Variants in TENM1 observed in about 807,000 individuals in gnomAD.
TENM1 encodes the protein teneurin transmembrane protein 1, also known as teneurin-1.
In TENM1, 35 loss-of-function variants were observed where a neutral mutation model predicts 174.8. The ratio of observed to expected loss-of-function variants is 0.20; its 90% confidence interval spans 0.15 to 0.27. The LOEUF (loss-of-function observed/expected upper bound fraction) is 0.27, where lower values mean the gene tolerates loss of function less well. Ranked by LOEUF, TENM1 falls within the 10% of genes least tolerant of loss-of-function variation. The pLI, the probability that TENM1 is intolerant of heterozygous loss-of-function variation, is 1.00. For synonymous variants in TENM1, 781 were observed against 798.7 expected (o/e 0.98, Z 0.37); for missense variants, 1,633 against 2,130.1 (o/e 0.77, Z 4.59).
the TENM1 span, among the ~76,000 whole-genome samples, chrX:125,174,740 G>A: frequency 1.3e-4 from 15 of 111,426 alleles, no homozygotes; most frequent in Non-Finnish European, 2.3e-4. Flanking sequence ...GTCTAAACAA[G>A]AGAAAACAGA....
At chrX:125,100,291 T>C in the TENM1 span, among the ~76,000 whole-genome samples, 2 of 111,883 alleles carry the variant, frequency 1.8e-5, no homozygotes, top group South Asian at 7.3e-4. Context: ...ATTTGACAAG[T>C]TGGGAGAGAC....
At chrX:124,931,457 C>T (rs780076667) in intron 1 of TENM1, among the ~76,000 whole-genome samples, 1 of 111,070 alleles carries the variant, frequency 9.0e-6, no homozygotes, top group African/African-American at 3.3e-5. Context: ...AACACACCTG[C>T]TGTCAGGCAC....
the TENM1 span, among the ~76,000 whole-genome samples, chrX:125,192,085 C>A: frequency 9.0e-6 from 1 of 111,408 alleles, no homozygotes; most frequent in African/African-American, 3.3e-5. Context: ...TAATCTTGGA[C>A]TTCCCAGCCT....
At chrX:124,704,888 T>TCA in intron 5 of TENM1, 125 bp downstream of exon 8, 1 of 489,870 alleles carries the variant, frequency 2.0e-6, no homozygotes, top group East Asian at 3.4e-5. Context: ...ATCAATTTGT[T>TCA]ATCATACTAA....
chrX:124,829,296 A>T (rs1235255776), intron 3 of TENM1, among the ~76,000 whole-genome samples: 1 of 112,019 alleles, frequency 8.9e-6, no homozygotes, highest in African/African-American at 3.2e-5. Context: ...AGATGTATCT[A>T]AAAAAAAGAG....
chrX:124,638,547 A>G (rs769095385), intron 11 of TENM1, among the ~76,000 whole-genome samples: 1 of 111,089 alleles, frequency 9.0e-6, no homozygotes, highest in African/African-American at 3.3e-5. Flanking sequence ...AAAGCACCCT[A>G]CCATAGTAAA....
chrX:125,021,168 GCTGT>G, the TENM1 span, among the ~76,000 whole-genome samples: 1 of 110,037 alleles, frequency 9.1e-6, no homozygotes, highest in Non-Finnish European at 1.9e-5. Context: ...TTTTTGCGAG[GCTGT>G]CTATTAGAAA....
At chrX:125,006,021 G>T in the TENM1 span, among the ~76,000 whole-genome samples, 1 of 111,303 alleles carries the variant, frequency 9.0e-6, no homozygotes, top group African/African-American at 3.3e-5. Context: ...CAGGAGAACC[G>T]CCCACTCCCC....
chrX:124,542,023 A>G, intron 15 of TENM1, among the ~76,000 whole-genome samples: 1 of 112,181 alleles, frequency 8.9e-6, no homozygotes, highest in Non-Finnish European at 1.9e-5. Flanking sequence ...AGGAGGCCCA[A>G]GTAGTCAAAT....
intron 11 of TENM1, among the ~76,000 whole-genome samples, chrX:124,598,131 T>C (rs2843511): frequency 0.28 from 30,629 of 110,540 alleles, 3,371 homozygotes; most frequent in South Asian, 0.45. Context: ...TATGAAAAGG[T>C]ACTCAACATC....
chrX:124,974,888 C>CTATA, the TENM1 span, among the ~76,000 whole-genome samples: 1 of 72,727 alleles, frequency 1.4e-5, no homozygotes, highest in Non-Finnish European at 2.7e-5. Flanking sequence ...GGGACTGACA[C>CTATA]TATATATATA....
At chrX:124,604,851 C>G (rs2050113346) in intron 11 of TENM1, among the ~76,000 whole-genome samples, 1 of 110,287 alleles carries the variant, frequency 9.1e-6, no homozygotes, top group Admixed American at 9.7e-5. Flanking sequence ...CCTTGATTTC[C>G]TAACCTGTCA....
chrX:125,047,277 G>A, the TENM1 span, among the ~76,000 whole-genome samples: 2 of 111,569 alleles, frequency 1.8e-5, 1 homozygote, highest in South Asian at 7.4e-4. Flanking sequence ...TATACAGTAC[G>A]AGCAATAACA....
chrX:124,487,125 A>C, intron 21 of TENM1, 84 bp downstream of exon 24: 2 of 970,305 alleles, frequency 2.1e-6, no homozygotes, highest in South Asian at 4.5e-5. Flanking sequence ...TTTAGGAAGA[A>C]AAATTTCCCT....
intron 22 of TENM1, among the ~76,000 whole-genome samples, chrX:124,467,858 G>A (rs143007395): frequency 0.033 from 3,579 of 109,081 alleles, 62 homozygotes; most frequent in South Asian, 0.078. Flanking sequence ...TCCCAGGTTC[G>A]AGTGATTCTT....
intron 14 of TENM1, among the ~76,000 whole-genome samples, chrX:124,560,123 G>A (rs1029205475): frequency 1.6e-4 from 17 of 109,650 alleles, no homozygotes; most frequent in African/African-American, 5.6e-4. Context: ...CTTCACTCCG[G>A]TTTCCAAAAC....
chrX:124,583,283 C>T (rs1337234639), intron 11 of TENM1, among the ~76,000 whole-genome samples: 1 of 111,574 alleles, frequency 9.0e-6, no homozygotes, highest in African/African-American at 3.3e-5. Flanking sequence ...GGGAGGCACC[C>T]CCCAGTAGGG....
intron 1 of TENM1, among the ~76,000 whole-genome samples, chrX:124,956,526 T>C (rs2058576781): frequency 8.9e-6 from 1 of 112,287 alleles, no homozygotes; most frequent in Non-Finnish European, 1.9e-5. Flanking sequence ...ACAAGTGTCA[T>C]GGACATTCCA....
intron 4 of TENM1, among the ~76,000 whole-genome samples, chrX:124,729,792 T>G (rs1193268905): frequency 1.8e-5 from 2 of 112,119 alleles, no homozygotes; most frequent in African/African-American, 6.5e-5. Context: ...CACAGGTATG[T>G]ATCGTCAAAA....
Sources: allele counts gnomAD v4.1 joint callset (sites outside exome capture counted in the v4.1 genomes callset), GRCh38; gene constraint gnomAD v4.1.1; transcripts MANE v1.5; gene names NCBI Gene and HGNC (gene_info 2026-07-23, HGNC 2026-07-21).